CALN1: variants seen among roughly 807,000 people sequenced by gnomAD.
CALN1 encodes calcium-binding protein 8.
In CALN1, 17 loss-of-function variants were observed where a neutral mutation model predicts 30.6. That is an observed-to-expected ratio of 0.56 (90% confidence interval 0.38 to 0.83). CALN1 has a LOEUF of 0.83. Among genes scored for constraint, CALN1 ranks in the 40% least tolerant of loss-of-function variants. CALN1 has a pLI of 0.00. For missense variants in CALN1, 291 were observed against 354.9 expected (o/e 0.82, Z 1.45); for synonymous variants, 156 against 131.4 (o/e 1.19, Z -1.28).
chr7:72,039,750 T>C (rs1802011962), intron 4 of CALN1, among the ~76,000 whole-genome samples: 1 of 152,170 alleles, frequency 6.6e-6, no homozygotes, highest in Admixed American at 6.5e-5. Context: ...CTCTCACCCT[T>C]TTGGCTACTG....
intron 2 of CALN1, among the ~76,000 whole-genome samples, chr7:72,307,801 C>T (rs1022240301): frequency 1.3e-5 from 2 of 151,962 alleles, no homozygotes; most frequent in Admixed American, 6.6e-5. Flanking sequence ...TCCCAACAGC[C>T]GGGCAGAGGA....
At chr7:72,320,617 T>C (rs2129557223) in intron 2 of CALN1, among the ~76,000 whole-genome samples, 1 of 151,826 alleles carries the variant, frequency 6.6e-6, no homozygotes, top group South Asian at 2.1e-4. Flanking sequence ...GTCGGATCAA[T>C]TGAGGTCAGG....
chr7:71,898,319 G>A (rs750885505), intron 5 of CALN1, among the ~76,000 whole-genome samples: 3 of 152,024 alleles, frequency 2.0e-5, no homozygotes, highest in Admixed American at 6.6e-5. Context: ...AACAGAGTGA[G>A]ACTCCATCTA....
intron 4 of CALN1, among the ~76,000 whole-genome samples, chr7:72,054,458 C>T (rs13246149): frequency 7.7e-6 from 1 of 129,070 alleles, no homozygotes; most frequent in South Asian, 2.4e-4. Flanking sequence ...CATATATATA[C>T]ATATATATAC....
chr7:72,297,690 A>G lies in CALN1; in HGVS notation c.120-18880T>C, dbSNP rs1368434941. The stretch of plus-strand genomic sequence containing the variant: ...ATTTTCATGTCTGCCATAACCAAAA[A>G]TACACCTCCGTAAGAGACACAGATC... On this transcript the variant is annotated intron_variant, in intron 2 of 6. Coordinates refer to ENST00000395275, the MANE Select transcript of CALN1 (RefSeq NM_031468.4). 1.3e-5 allele frequency among the ~76,000 whole-genome samples: 2 copies of G among 152,210 alleles called. 1 individual carries two copies. The highest frequency in any genetic ancestry group is 4.8e-5 in the African/African-American group (2 of 41,460).
At chr7:71,923,270 AC>A (rs1468746420) in intron 5 of CALN1, among the ~76,000 whole-genome samples, 1 of 152,140 alleles carries the variant, frequency 6.6e-6, no homozygotes, top group Admixed American at 6.6e-5. Context: ...CAGAATGATT[AC>A]TTCTGTGCTC....
rs549642114 is a variant in CALN1 at position 71,788,669 on chromosome 7, T to A, written c.659-767A>T. Among the ~76,000 whole-genome samples, 11 of 151,674 alleles carry A rather than the reference T, an allele frequency of 7.3e-5. 1 individual carries two copies. The highest frequency in any genetic ancestry group is 2.0e-4 in the East Asian group (1 of 5,092). ...GCCACCGTGCCTAATTATTATTATT[T>A]TTTTTGATACTGGAGTCTCTCTCTG... On this transcript the variant is annotated intron_variant, in intron 6 of 6. Coordinates refer to ENST00000395275, the MANE Select transcript of CALN1 (RefSeq NM_031468.4).
chr7:72,066,172 C>T (rs1311557192), intron 4 of CALN1, among the ~76,000 whole-genome samples: 1 of 152,214 alleles, frequency 6.6e-6, no homozygotes, highest in African/African-American at 2.4e-5. Context: ...TAAATCTCAT[C>T]GTGTTGGATT....
intron 1 of CALN1, among the ~76,000 whole-genome samples, chr7:72,407,703 C>T (rs1374081843): frequency 1.3e-5 from 2 of 152,178 alleles, no homozygotes; most frequent in Non-Finnish European, 2.9e-5. Flanking sequence ...GGGATTTCTT[C>T]AGAGCAGTGC....
the CALN1 span, among the ~76,000 whole-genome samples, chr7:72,455,339 G>A: frequency 6.7e-6 from 1 of 149,062 alleles, no homozygotes; most frequent in Non-Finnish European, 1.5e-5. Flanking sequence ...GTGTGTGTGT[G>A]TGTGTGTGTG....
chr7:72,353,367 A>G (rs1324792398), intron 2 of CALN1, among the ~76,000 whole-genome samples: 2 of 152,224 alleles, frequency 1.3e-5, no homozygotes, highest in South Asian at 2.1e-4. Context: ...TATAAAAAGG[A>G]TAAGACATCT....
chr7:71,860,070 G>A lies in CALN1; in HGVS notation c.502-49578C>T, dbSNP rs564182064. Among the ~76,000 whole-genome samples, 3 of 152,230 alleles carry A rather than the reference G, an allele frequency of 2.0e-5. No individual in the cohort carries two copies. In the South Asian group the frequency reaches 6.2e-4, roughly 32 times the overall value. On this transcript the variant is annotated intron_variant, in intron 5 of 6. Coordinates refer to ENST00000395275, the MANE Select transcript of CALN1 (RefSeq NM_031468.4). ...AATTAACCCTTTATCACAAACCCTT[G>A]TAGTAGAGCATATCTCCCAGGATAT... is the stretch of plus-strand genomic sequence containing the variant.
At chr7:71,922,659 T>A (rs1365843735) in intron 5 of CALN1, among the ~76,000 whole-genome samples, 1 of 137,196 alleles carries the variant, frequency 7.3e-6, no homozygotes, top group Non-Finnish European at 1.5e-5. Flanking sequence ...TATATATAAA[T>A]ATATAACATA....
chr7:72,147,442 T>C (rs533389926), intron 3 of CALN1, among the ~76,000 whole-genome samples: 1,855 of 144,334 alleles, frequency 0.013, 46 homozygotes, highest in African/African-American at 0.047. Context: ...GTTAGAATGG[T>C]GATCATTAAA....
chr7:72,142,302 C>G (rs934440343), intron 3 of CALN1, among the ~76,000 whole-genome samples: 3 of 152,230 alleles, frequency 2.0e-5, no homozygotes, highest in Non-Finnish European at 4.4e-5. Flanking sequence ...ACGGTCTTAG[C>G]AAACGGCACA....
In CALN1 at chr7:71,834,703, C is replaced by T. The variant is rs1198382189; in HGVS notation, c.502-24211G>A. ...CCTCCTTCTTCTTCCAGGAAACAAT[C>T]AGACAGGATTCCAAGGTTAGGCCCG... On this transcript the variant is annotated intron_variant, in intron 5 of 6. Coordinates refer to ENST00000395275, the MANE Select transcript of CALN1 (RefSeq NM_031468.4). Among the ~76,000 whole-genome samples, 3 of 152,156 alleles carry T rather than the reference C, an allele frequency of 2.0e-5. No individual in the cohort carries two copies. The East Asian group carries it at 5.8e-4, about 29-fold the overall frequency.
intron 5 of CALN1, among the ~76,000 whole-genome samples, chr7:71,846,368 G>A (rs1208871479): frequency 2.6e-5 from 4 of 152,062 alleles, no homozygotes; most frequent in Non-Finnish European, 5.9e-5. Context: ...CGCTGTCCAT[G>A]GTCATGAAAT....
chr7:72,278,562 G>T, intron 3 of CALN1, 124 bp downstream of exon 3: 1 of 1,304,960 alleles, frequency 7.7e-7, no homozygotes, highest in Non-Finnish European at 1.1e-6. Flanking sequence ...ATTATGCCAT[G>T]GCTACACTTG....
At chr7:72,393,671 C>G (rs1805729638) in intron 2 of CALN1, among the ~76,000 whole-genome samples, 1 of 151,744 alleles carries the variant, frequency 6.6e-6, no homozygotes, top group African/African-American at 2.4e-5. Flanking sequence ...ATACAGAATT[C>G]TGATGCTCCA....
Sources: allele counts gnomAD v4.1 joint callset (sites outside exome capture counted in the v4.1 genomes callset), GRCh38; gene constraint gnomAD v4.1.1; transcripts MANE v1.5; gene names NCBI Gene and HGNC (gene_info 2026-07-23, HGNC 2026-07-21).